FHIT: variants seen among roughly 807,000 people sequenced by gnomAD.
The protein encoded by FHIT is fragile histidine triad diadenosine triphosphatase.
In FHIT, 19 loss-of-function variants were observed where a neutral mutation model predicts 17.9. The observed-to-expected ratio is 1.06, with a 90% CI of 0.74 to 1.56. The LOEUF (loss-of-function observed/expected upper bound fraction) is 1.56, where lower values mean the gene tolerates loss of function less well. Ranked by LOEUF, FHIT falls within the 40% of genes most tolerant of loss-of-function variation. The pLI, the probability that FHIT is intolerant of heterozygous loss-of-function variation, is 0.00. For synonymous variants in FHIT, 81 were observed against 69.7 expected (o/e 1.16, Z -0.81); for missense variants, 248 against 189.2 (o/e 1.31, Z -1.82).
chr3:60,130,793 A>ACACATATATATGTGTGTGTGTGTGTGTG (rs1165614900), intron 5 of FHIT, among the ~76,000 whole-genome samples: 1 of 140,428 alleles, frequency 7.1e-6, no homozygotes. Context: ...TGGTGTGTAT[A>ACACATATATATGTGTGTGTGTGTGTGTG]TACACACATA....
chr3:61,225,130 C>T lies in FHIT; in HGVS notation c.-212-24465G>A, dbSNP rs535855107. ...CAACACAGTGGCATATGACAGCATC[C>T]GCAAGGGAAACAGCATGAAGGAATT... On this transcript the variant is annotated intron_variant, in intron 1 of 9. Coordinates refer to ENST00000492590, the MANE Select transcript of FHIT (RefSeq NM_002012.4). Among the ~76,000 whole-genome samples, 7 of 152,242 alleles carry T rather than the reference C, an allele frequency of 4.6e-5. No individual in the cohort carries two copies. In the South Asian group the frequency reaches 1.5e-3, roughly 32 times the overall value.
chr3:60,848,781 T>C (rs1414667491), intron 3 of FHIT, among the ~76,000 whole-genome samples: 1 of 152,204 alleles, frequency 6.6e-6, no homozygotes, highest in Non-Finnish European at 1.5e-5. Flanking sequence ...AGCTATTTTT[T>C]ATTGTTATGA....
intron 3 of FHIT, among the ~76,000 whole-genome samples, chr3:60,861,958 A>G (rs1365422320): frequency 6.6e-6 from 1 of 151,624 alleles, no homozygotes; most frequent in East Asian, 1.9e-4. Flanking sequence ...AAAAAAAAAA[A>G]AGGCCGGTTT....
At chr3:60,900,085 T>C (rs1160588746) in intron 3 of FHIT, among the ~76,000 whole-genome samples, 2 of 152,174 alleles carry the variant, frequency 1.3e-5, no homozygotes, top group Non-Finnish European at 2.9e-5. Flanking sequence ...AGCTTCAAGA[T>C]AGCAGGCTAC....
chr3:59,951,476 G>T (rs912300801), intron 7 of FHIT, among the ~76,000 whole-genome samples: 1 of 152,176 alleles, frequency 6.6e-6, no homozygotes, highest in Non-Finnish European at 1.5e-5. Context: ...TCTGCTAATT[G>T]TCTTTTACCC....
chr3:60,521,059 A>G (rs1228583086), intron 5 of FHIT, among the ~76,000 whole-genome samples: 2 of 152,046 alleles, frequency 1.3e-5, no homozygotes. Flanking sequence ...TTAAATGACT[A>G]ATTTAAACTT....
At chr3:59,891,142 C>T (rs936990300) in intron 8 of FHIT, among the ~76,000 whole-genome samples, 3 of 152,186 alleles carry the variant, frequency 2.0e-5, no homozygotes, top group Non-Finnish European at 2.9e-5. Flanking sequence ...TTTCCTAAGA[C>T]CTGAAAAGCT....
At chr3:60,166,656 G>A (rs573996750) in intron 5 of FHIT, among the ~76,000 whole-genome samples, 1 of 152,138 alleles carries the variant, frequency 6.6e-6, no homozygotes, top group South Asian at 2.1e-4. Flanking sequence ...TGGACCCTAT[G>A]ACCTTCACAT....
At chr3:61,214,561 C>G (rs976494689) in intron 1 of FHIT, among the ~76,000 whole-genome samples, 1 of 151,914 alleles carries the variant, frequency 6.6e-6, no homozygotes. Flanking sequence ...GATTCACAGC[C>G]GAATTCTACC....
chr3:59,873,347 G>C (rs952287908), intron 8 of FHIT, among the ~76,000 whole-genome samples: 1 of 152,152 alleles, frequency 6.6e-6, no homozygotes, highest in African/African-American at 2.4e-5. Flanking sequence ...TTTACTATAT[G>C]CCTGACATTG....
intron 3 of FHIT, among the ~76,000 whole-genome samples, chr3:60,883,889 G>A (rs1296090116): frequency 1.3e-5 from 2 of 152,144 alleles, no homozygotes; most frequent in Non-Finnish European, 2.9e-5. Context: ...AAAAGCATCT[G>A]TACAGCAAAG....
chr3:60,788,920 C>G (rs1700675603), intron 4 of FHIT, among the ~76,000 whole-genome samples: 1 of 151,672 alleles, frequency 6.6e-6, no homozygotes, highest in African/African-American at 2.4e-5. Context: ...AACTAAAATG[C>G]TTTGCATTTC....
chr3:60,427,257 C>G (rs934005405), intron 5 of FHIT, among the ~76,000 whole-genome samples: 12 of 152,158 alleles, frequency 7.9e-5, no homozygotes, highest in African/African-American at 2.9e-4. Context: ...TGAGAATGAA[C>G]GCTGCGCAGT....
intron 4 of FHIT, among the ~76,000 whole-genome samples, chr3:60,786,163 C>A (rs1419765023): frequency 2.0e-5 from 3 of 152,184 alleles, no homozygotes; most frequent in Non-Finnish European, 4.4e-5. Flanking sequence ...AAGTCCCAGG[C>A]GTCCTTCTTC....
At chr3:60,233,954 C>A (rs946236976) in intron 5 of FHIT, among the ~76,000 whole-genome samples, 1 of 152,148 alleles carries the variant, frequency 6.6e-6, no homozygotes, top group Admixed American at 6.5e-5. Context: ...ATTAAACCTC[C>A]TTCCTTTACA....
chr3:60,249,689 G>GACACACAC lies in FHIT; in HGVS notation c.104-235545_104-235538dup, dbSNP rs59885844. ...CACAATATCAAGGAAATACAGCCAAGACACACACACACACACACACACACA... is the reference window on the plus strand; with the variant it reads ...CACAATATCAAGGAAATACAGCCAAGACACACACACACACACACACACACACACACACA... On this transcript the variant is annotated intron_variant, in intron 5 of 9. Transcript: ENST00000492590. 2.5e-3 allele frequency among the ~76,000 whole-genome samples: 339 copies of GACACACAC among 137,380 alleles called. 2 individuals carry two copies. The highest frequency in any genetic ancestry group is 5.5e-3 in the African/African-American group (192 of 34,688). 90.1% of individuals were successfully genotyped at this position (137,380 alleles called of 152,430 possible).
At chr3:60,350,647 C>T (rs975350726) in intron 5 of FHIT, among the ~76,000 whole-genome samples, 1 of 152,114 alleles carries the variant, frequency 6.6e-6, no homozygotes, top group Non-Finnish European at 1.5e-5. Flanking sequence ...ATTCCACCAA[C>T]AGTGCTACTT....
At chr3:61,124,310 C>T (rs1331344653) in intron 2 of FHIT, among the ~76,000 whole-genome samples, 1 of 152,108 alleles carries the variant, frequency 6.6e-6, no homozygotes, top group Non-Finnish European at 1.5e-5. Context: ...ATCACACCAA[C>T]CAGGCAGAGA....
At chr3:60,938,512 A>G (rs1468010268) in intron 3 of FHIT, among the ~76,000 whole-genome samples, 2 of 152,230 alleles carry the variant, frequency 1.3e-5, no homozygotes, top group Non-Finnish European at 2.9e-5. Context: ...GCTGTTGCAC[A>G]GATGTCAGAA....
Sources: gnomAD v4.1 joint callset for allele counts (sites outside exome capture counted in the v4.1 genomes callset) on GRCh38, gnomAD v4.1.1 for gene constraint, MANE v1.5 for transcripts, NCBI Gene and HGNC (gene_info 2026-07-23, HGNC 2026-07-21) for gene names.